PCCA: variants seen among roughly 807,000 people sequenced by gnomAD.
PCCA encodes the protein propionyl-CoA carboxylase alpha chain, mitochondrial.
Under a neutral mutation model 101.3 loss-of-function variants are expected in PCCA, and 74 were observed. That is an observed-to-expected ratio of 0.73 (90% CI 0.61 to 0.89). The LOEUF (loss-of-function observed/expected upper bound fraction) is 0.89, where lower values mean the gene tolerates loss of function less well. Ranked by LOEUF, PCCA falls within the 40% of genes least tolerant of loss-of-function variation. The pLI is 0.00. For synonymous variants in PCCA, 294 were observed against 313.6 expected (o/e 0.94, Z 0.66); for missense variants, 891 against 907.0 (o/e 0.98, Z 0.23).
At chr13:100,259,975 A>G (rs1241149476) in intron 9 of PCCA, among the ~76,000 whole-genome samples, 1 of 152,138 alleles carries the variant, frequency 6.6e-6, no homozygotes, top group African/African-American at 2.4e-5. Context: ...GATGCTTTCA[A>G]ACTTGCTGCT....
intron 1 of PCCA, among the ~76,000 whole-genome samples, chr13:100,099,153 T>C (rs901208549): frequency 6.6e-6 from 1 of 152,118 alleles, no homozygotes; most frequent in South Asian, 2.1e-4. Flanking sequence ...AGTTATTTAG[T>C]ATTATTCATC....
intron 21 of PCCA, among the ~76,000 whole-genome samples, chr13:100,493,348 G>A (rs1324203777): frequency 6.6e-6 from 1 of 152,206 alleles, no homozygotes; most frequent in Non-Finnish European, 1.5e-5. Flanking sequence ...GGGTGGATGT[G>A]GAGGTGTGCG....
chr13:100,264,138 ATCTGTATATCGTATATATATG>A (rs2062761083), intron 10 of PCCA, among the ~76,000 whole-genome samples: 1 of 122,308 alleles, frequency 8.2e-6, no homozygotes, highest in Non-Finnish European at 1.8e-5. Flanking sequence ...TATATATGGT[ATCTGTATATCGTATATATATG>A]GTATCTGTAT....
intron 9 of PCCA, among the ~76,000 whole-genome samples, chr13:100,261,511 A>G (rs2152563471): frequency 6.6e-6 from 1 of 152,190 alleles, no homozygotes; most frequent in African/African-American, 2.4e-5. Flanking sequence ...GACTACAGGC[A>G]TGGGCCACCA....
At chr13:100,268,898 C>A in intron 11 of PCCA, 115 bp downstream of exon 11, 2 of 810,984 alleles carry the variant, frequency 2.5e-6, no homozygotes, top group South Asian at 1.4e-5. Flanking sequence ...CACTCTGTTG[C>A]CCAGGCAGTG....
chr13:100,471,361 G>A (rs1001093965), intron 21 of PCCA, among the ~76,000 whole-genome samples: 1 of 152,126 alleles, frequency 6.6e-6, no homozygotes, highest in African/African-American at 2.4e-5. Context: ...GACGAAAATG[G>A]GTTTCCTAAT....
intron 18 of PCCA, among the ~76,000 whole-genome samples, chr13:100,348,783 TCTTTCTTCCTTC>T (rs1490080244): frequency 0.025 from 1,374 of 54,990 alleles, 12 homozygotes; most frequent in Admixed American, 0.033. Flanking sequence ...TTTCTTTCTT[TCTTTCTTCCTTC>T]CTTCCTTCCT....
intron 4 of PCCA, among the ~76,000 whole-genome samples, chr13:100,133,334 C>T (rs1268983102): frequency 6.6e-6 from 1 of 152,076 alleles, no homozygotes; most frequent in African/African-American, 2.4e-5. Flanking sequence ...TAGTTTCTTC[C>T]AGTTGGTAGG....
At chr13:100,108,520 A>T (rs143942958) in intron 2 of PCCA, among the ~76,000 whole-genome samples, 11 of 152,258 alleles carry the variant, frequency 7.2e-5, no homozygotes, top group African/African-American at 2.4e-4. Flanking sequence ...CGCTTCAGTC[A>T]TATTGAGAAT....
At chr13:100,391,746 C>T (rs377434830) in intron 19 of PCCA, among the ~76,000 whole-genome samples, 2 of 152,238 alleles carry the variant, frequency 1.3e-5, no homozygotes, top group Middle Eastern at 3.4e-3. Context: ...TTGATCAACA[C>T]GTTTTTCAAA....
At chr13:100,369,738 C>T (rs372705202) in intron 19 of PCCA, among the ~76,000 whole-genome samples, 272 of 152,306 alleles carry the variant, frequency 1.8e-3, no homozygotes, top group African/African-American at 5.1e-3. Flanking sequence ...AGTTAAACAG[C>T]TGTCTCATGA....
intron 21 of PCCA, among the ~76,000 whole-genome samples, chr13:100,449,568 C>G (rs748349759): frequency 6.6e-6 from 1 of 152,176 alleles, no homozygotes; most frequent in Admixed American, 6.5e-5. Flanking sequence ...CTCACTGCAA[C>G]CTCTGCCTCC....
chr13:100,464,807 G>C (rs895807337), intron 21 of PCCA, among the ~76,000 whole-genome samples: 1 of 152,166 alleles, frequency 6.6e-6, no homozygotes, highest in Non-Finnish European at 1.5e-5. Flanking sequence ...TTGGTGCCTT[G>C]TGTTTAAACT....
In PCCA at chr13:100,117,589, C is replaced by T. The variant is rs181364897; in HGVS notation, c.300+5528C>T. ...ATTGAACAATGAAGACACTTGGACA[C>T]AGGGTAGGGAACATCACACACTGTG... is the stretch of plus-strand genomic sequence containing the variant. On this transcript the variant is annotated intron_variant, in intron 4 of 23. Transcript: ENST00000376285. Among the ~76,000 whole-genome samples, 311 of 151,504 alleles carry T rather than the reference C, an allele frequency of 2.1e-3. 4 individuals carry two copies. Among genetic ancestry groups the T allele is most frequent in the African/African-American group, 7.2e-3 (298 of 41,230 alleles).
chr13:100,365,044 G>A (rs959479322), intron 18 of PCCA, among the ~76,000 whole-genome samples: 1 of 152,180 alleles, frequency 6.6e-6, no homozygotes, highest in Non-Finnish European at 1.5e-5. Flanking sequence ...GTGAGATCAT[G>A]TTTCTTAAAA....
intron 12 of PCCA, among the ~76,000 whole-genome samples, chr13:100,288,030 T>C (rs957956079): frequency 6.6e-6 from 1 of 152,246 alleles, no homozygotes; most frequent in Admixed American, 6.5e-5. Context: ...ATCGATTGTT[T>C]TATTCAATTC....
At chr13:100,173,001 C>CTT (rs531362771) in intron 6 of PCCA, among the ~76,000 whole-genome samples, 1 of 149,398 alleles carries the variant, frequency 6.7e-6, no homozygotes, top group Admixed American at 6.7e-5. Flanking sequence ...GTTTTCAGCT[C>CTT]TTTTTTTTTT....
At chr13:100,356,079 G>A (rs1021841607) in intron 18 of PCCA, among the ~76,000 whole-genome samples, 1 of 152,102 alleles carries the variant, frequency 6.6e-6, no homozygotes, top group Non-Finnish European at 1.5e-5. Flanking sequence ...AAAGAATGAA[G>A]TTGGTCTCCT....
chr13:100,130,117 GT>G (rs1180456430), intron 4 of PCCA, among the ~76,000 whole-genome samples: 3 of 152,180 alleles, frequency 2.0e-5, no homozygotes, highest in Non-Finnish European at 4.4e-5. Context: ...TCAAAATTGT[GT>G]TTTTGCTCAA....
Sources: gnomAD v4.1 joint callset for allele counts (sites outside exome capture counted in the v4.1 genomes callset) on GRCh38, gnomAD v4.1.1 for gene constraint, MANE v1.5 for transcripts, NCBI Gene and HGNC (gene_info 2026-07-23, HGNC 2026-07-21) for gene names.